BOC: variants seen among roughly 807,000 people sequenced by gnomAD.
The protein encoded by BOC is BOC cell adhesion associated, oncogene regulated.
In BOC, 76 loss-of-function variants were observed where a neutral mutation model predicts 112.0. The observed-to-expected ratio is 0.68, with a 90% CI of 0.56 to 0.82. BOC has a LOEUF of 0.82. Ranked by LOEUF, BOC falls within the 40% of genes least tolerant of loss-of-function variation. The probability of loss-of-function intolerance (pLI) is 0.00; values close to 1 mark genes in which losing one functional copy is unlikely to be tolerated. For missense variants in BOC, 1,309 were observed against 1,511.7 expected (o/e 0.87, Z 2.22); for synonymous variants, 580 against 599.8 (o/e 0.97, Z 0.48).
chr3:113,237,354 C>G (rs988392212), intron 2 of BOC, among the ~76,000 whole-genome samples: 1 of 152,168 alleles, frequency 6.6e-6, no homozygotes, highest in African/African-American at 2.4e-5. Context: ...AGGCCTGAAC[C>G]TGTCGTCTTT....
At chr3:113,227,592 G>A (rs545119744) in intron 2 of BOC, among the ~76,000 whole-genome samples, 5 of 152,302 alleles carry the variant, frequency 3.3e-5, no homozygotes, top group South Asian at 2.1e-4. Flanking sequence ...AACCTGGGCA[G>A]TCACTGAAAC....
chr3:113,284,201 T>A, intron 16 of BOC, 134 bp from the exon 17 acceptor site: 1 of 720,778 alleles, frequency 1.4e-6, no homozygotes, highest in Non-Finnish European at 2.5e-6. Context: ...CTCCATCGCT[T>A]GGGCACTGTC....
rs934611002 is a variant in BOC, at chr3:113,279,147, G to A, written c.1817-102G>A. ...CTGTGGGGAGGAGCGGGCCCGTCAGGAGCAGGCCAGGCCCAGTGGGCATAC... is the reference window on the plus strand; with the variant it reads ...CTGTGGGGAGGAGCGGGCCCGTCAGAAGCAGGCCAGGCCCAGTGGGCATAC... On this transcript the variant is annotated intron_variant, in intron 11 of 19. Transcript: ENST00000682979. The A allele has an allele frequency of 7.3e-6, 9 of 1,232,414 alleles. No homozygotes were observed. In the African/African-American group the frequency reaches 1.0e-4, roughly 14 times the overall value. 76.3% of individuals were successfully genotyped at this position (1,232,414 alleles called of 1,614,324 possible). A position where few individuals can be genotyped will look rare whatever the true frequency, so the allele number is the denominator to read the frequency against.
At chr3:113,217,952 G>A (rs910285442) in intron 2 of BOC, among the ~76,000 whole-genome samples, 1 of 152,156 alleles carries the variant, frequency 6.6e-6, no homozygotes, top group African/African-American at 2.4e-5. Flanking sequence ...AGAAATACAT[G>A]CCTGAATTCA....
Position 113,279,456 on chromosome 3 carries a change from G to A in BOC, c.2023+1G>A, listed in dbSNP as rs1290720366. Reference sequence around the variant, plus strand: ...GTGGAGATCACGGGCCTAGAGAAAGGTAGGGGCCTGGCCACACCGTGGCCT... The same window carrying A: ...GTGGAGATCACGGGCCTAGAGAAAGATAGGGGCCTGGCCACACCGTGGCCT... On this transcript the variant is annotated splice_donor_variant, in intron 12 of 19. Transcript: ENST00000682979. LOFTEE classifies it high-confidence loss of function. 1 of 1,613,236 alleles carries A rather than the reference G, an allele frequency of 6.2e-7. No homozygotes were observed. Among genetic ancestry groups the A allele is most frequent in the Non-Finnish European group, 8.5e-7 (1 of 1,179,852 alleles).
At chr3:113,248,020 CAA>C (rs1183358657) in intron 2 of BOC, among the ~76,000 whole-genome samples, 1 of 152,196 alleles carries the variant, frequency 6.6e-6, no homozygotes, top group Non-Finnish European at 1.5e-5. Flanking sequence ...CCTCTGATGT[CAA>C]AGTCATGAGG....
chr3:113,220,436 T>A (rs1940385633), intron 2 of BOC, among the ~76,000 whole-genome samples: 1 of 152,180 alleles, frequency 6.6e-6, no homozygotes, highest in Non-Finnish European at 1.5e-5. Context: ...TCATGGAAAC[T>A]CAGTGTGACT....
intron 2 of BOC, among the ~76,000 whole-genome samples, chr3:113,222,100 C>T (rs1271695126): frequency 6.6e-6 from 1 of 152,230 alleles, no homozygotes; most frequent in Non-Finnish European, 1.5e-5. Context: ...CCATCATTCT[C>T]TCTCCCTTCA....
chr3:113,236,228 A>G (rs976902191), intron 2 of BOC, among the ~76,000 whole-genome samples: 175 of 78,026 alleles, frequency 2.2e-3, no homozygotes, highest in East Asian at 0.012. Flanking sequence ...ATATACGTAT[A>G]TGTGTGTGTG....
rs751924286 is a variant in BOC at position 113,279,948 on chromosome 3, TCCTTATATCA to T, written c.2153_2162del (p.Tyr718SerfsTer85). On this transcript the variant is annotated frameshift_variant, in exon 13 of 20. Transcript: ENST00000682979. LOFTEE classifies it high-confidence loss of function. ...GCGTGTACGAGAGGCCCGTGGCAGG[TCCTTATATCA>T]CCTTCACGGATGCGGTCAATGAGAC... 6.2e-7 allele frequency: 1 copy of T among 1,613,746 alleles called. No individual in the cohort carries two copies. The highest frequency in any genetic ancestry group is 1.3e-5 in the African/African-American group (1 of 75,020).
intron 13 of BOC, 80 bp downstream of exon 13, chr3:113,280,085 C>A: frequency 7.1e-7 from 1 of 1,400,942 alleles, no homozygotes; most frequent in Non-Finnish European, 9.6e-7. Flanking sequence ...GGATTAGACT[C>A]CCCCGAACAG....
intron 13 of BOC, 50 bp downstream of exon 13, chr3:113,280,055 GCC>G: frequency 6.5e-7 from 1 of 1,529,270 alleles, no homozygotes; most frequent in Non-Finnish European, 8.8e-7. Flanking sequence ...TCCCCTAAAT[GCC>G]CTTCCCTGTG....
intron 19 of BOC, 53 bp downstream of exon 19, chr3:113,285,618 G>A (rs1282419357): frequency 1.4e-6 from 2 of 1,458,476 alleles, no homozygotes; most frequent in Non-Finnish European, 1.8e-6. Context: ...GTGACATGAG[G>A]TAGGCATCCA....
In BOC at chr3:113,272,554, T is replaced by C. The variant is rs751852189; in HGVS notation, c.812T>C (p.Val271Ala). 2.5e-6 allele frequency: 4 copies of C among 1,614,062 alleles called. No homozygotes were observed. The South Asian group carries it at 4.4e-5, about 18-fold the overall frequency. The change falls in exon 7 of 20, where the codon GTC becomes GCC. Residue 271 changes from valine to alanine, a missense_variant. Coordinates refer to ENST00000682979, the MANE Select transcript of BOC (RefSeq NM_001378074.1). Reference protein sequence around the residue: ...RVTWAKDGSSVTGYNKTRFLL... With the variant: ...RVTWAKDGSSATGYNKTRFLL... Reference sequence around the variant, plus strand: ...ACCTGGGCCAAGGATGGGTCCAGTGTCACCGGCTACAACAAGACGCGCTTC... The same window carrying C: ...ACCTGGGCCAAGGATGGGTCCAGTGCCACCGGCTACAACAAGACGCGCTTC...
At chr3:113,270,379 A>C (rs1177716577) in intron 5 of BOC, 3 of 165,844 alleles carry the variant, frequency 1.8e-5, no homozygotes, top group Admixed American at 1.7e-4. Context: ...CAAATGAGGA[A>C]ACTGTATCAG....
intron 2 of BOC, among the ~76,000 whole-genome samples, chr3:113,239,325 G>A (rs549933449): frequency 1.1e-4 from 17 of 152,258 alleles, no homozygotes; most frequent in African/African-American, 3.1e-4. Context: ...ATACTGGGGC[G>A]GAGAAGCAGG....
intron 2 of BOC, among the ~76,000 whole-genome samples, chr3:113,232,802 T>C (rs1942833948): frequency 6.6e-6 from 1 of 152,240 alleles, no homozygotes; most frequent in African/African-American, 2.4e-5. Context: ...TTCAGATTTA[T>C]TAAGTTGCTG....
At chr3:113,269,404 T>C (rs1947863844) in intron 5 of BOC, 1 of 152,066 alleles carries the variant, frequency 6.6e-6, no homozygotes, top group African/African-American at 2.4e-5. Flanking sequence ...TAGACCTTAC[T>C]TGACCTGACT....
In BOC at chr3:113,279,245, C is replaced by T. The variant is rs749753098; in HGVS notation, c.1817-4C>T. On this transcript the variant is annotated splice_polypyrimidine_tract_variant and splice_region_variant and intron_variant, in intron 11 of 19. Coordinates refer to ENST00000682979, the MANE Select transcript of BOC (RefSeq NM_001378074.1). ...CCTTCCTCACTGGATACGGTCTTTCCCAGCCCCAGAAGCTCCCGACAGGCC... is the reference window on the plus strand; with the variant it reads ...CCTTCCTCACTGGATACGGTCTTTCTCAGCCCCAGAAGCTCCCGACAGGCC... 1 of 1,612,528 alleles carries T rather than the reference C, an allele frequency of 6.2e-7. No homozygotes were observed. Among genetic ancestry groups the T allele is most frequent in the South Asian group, 1.1e-5 (1 of 91,020 alleles).
Sources: gnomAD v4.1 joint callset for allele counts (sites outside exome capture counted in the v4.1 genomes callset) on GRCh38, gnomAD v4.1.1 for gene constraint, MANE v1.5 for transcripts, NCBI Gene and HGNC (gene_info 2026-07-23, HGNC 2026-07-21) for gene names.